KIAA1671: variants seen among roughly 807,000 people sequenced by gnomAD.
KIAA1671 encodes the protein uncharacterized protein KIAA1671.
A neutral mutation model predicts 131.2 loss-of-function variants in KIAA1671; 52 were observed. That is an observed-to-expected ratio of 0.40 (90% CI 0.32 to 0.50). KIAA1671 has a LOEUF of 0.50. Ranked by LOEUF, KIAA1671 falls within the 20% of genes least tolerant of loss-of-function variation. The probability of loss-of-function intolerance (pLI) is 0.73; values close to 1 mark genes in which losing one functional copy is unlikely to be tolerated. For missense variants in KIAA1671, 2,360 were observed against 2,364.2 expected, an observed-to-expected ratio of 1.00 and a Z score of 0.04; for synonymous variants, 1,003 against 961.6, an observed-to-expected ratio of 1.04 and a Z score of -0.80.
chr22:25,028,252 C>A lies in KIAA1671; in HGVS notation c.253C>A (p.Arg85=). 6.4e-7 allele frequency: 1 copy of A among 1,551,590 alleles called. No homozygotes were observed. The highest frequency in any genetic ancestry group is 8.7e-7 in the Non-Finnish European group (1 of 1,147,000). ...CGTGAAATCTCCTGTCCCGTCTCTG[C>A]GGCCCAGTTCGACTGGACCTTCCCC... ...QDVKSPVPSL[R]PSSTGPSPSG... Residue 85 remains arginine, a synonymous_variant, in exon 3 of 13, where the codon CGG becomes AGG. Coordinates refer to ENST00000358431, the MANE Select transcript of KIAA1671 (RefSeq NM_001145206.2).
intron 6 of KIAA1671, among the ~76,000 whole-genome samples, chr22:25,144,434 C>T (rs1478488591): frequency 6.6e-6 from 1 of 152,200 alleles, no homozygotes; most frequent in Non-Finnish European, 1.5e-5. Flanking sequence ...TCCTGGCTCC[C>T]AGCTCTCTGG....
intron 6 of KIAA1671, among the ~76,000 whole-genome samples, chr22:25,080,326 A>G (rs1321557462): frequency 2.0e-5 from 3 of 152,096 alleles, no homozygotes; most frequent in African/African-American, 7.2e-5. Context: ...GGGGAATTGT[A>G]AAGGATTAAA....
intron 6 of KIAA1671, among the ~76,000 whole-genome samples, chr22:25,164,392 G>A (rs559225664): frequency 3.0e-4 from 46 of 152,292 alleles, no homozygotes; most frequent in African/African-American, 6.5e-4. Flanking sequence ...CAGGGGGTCC[G>A]TCCAGGTGTA....
chr22:24,972,900 G>T (rs1202097958), intron 1 of KIAA1671, among the ~76,000 whole-genome samples: 1 of 152,228 alleles, frequency 6.6e-6, no homozygotes, highest in African/African-American at 2.4e-5. Flanking sequence ...TAATGTGGAA[G>T]ACGGTGTCTG....
chr22:25,152,207 G>A (rs999340083), intron 6 of KIAA1671, among the ~76,000 whole-genome samples: 1 of 152,168 alleles, frequency 6.6e-6, no homozygotes, highest in Admixed American at 6.5e-5. Context: ...AAATAATGCT[G>A]CAGTGAACAT....
chr22:25,076,184 G>A (rs191495298), intron 6 of KIAA1671, among the ~76,000 whole-genome samples: 1 of 152,064 alleles, frequency 6.6e-6, no homozygotes, highest in East Asian at 1.9e-4. Flanking sequence ...ATTCCTACCT[G>A]TTGTCAGCCT....
chr22:25,156,332 G>C (rs1270626196), intron 6 of KIAA1671, among the ~76,000 whole-genome samples: 4 of 151,680 alleles, frequency 2.6e-5, no homozygotes, highest in African/African-American at 9.7e-5. Flanking sequence ...GCCTGTATGT[G>C]CTTTTTATGT....
At chr22:25,089,266 ATTTT>A (rs34941122) in intron 6 of KIAA1671, among the ~76,000 whole-genome samples, 1 of 89,272 alleles carries the variant, frequency 1.1e-5, no homozygotes, top group Admixed American at 1.2e-4. Context: ...TGTGTGTTTA[ATTTT>A]TTTTTTTTTT....
chr22:25,105,825 G>GC (rs897786499), intron 6 of KIAA1671, among the ~76,000 whole-genome samples: 6 of 152,076 alleles, frequency 3.9e-5, no homozygotes, highest in South Asian at 2.1e-4. Flanking sequence ...AAGTTGGGGG[G>GC]GGGGGGTGCC....
intron 1 of KIAA1671, among the ~76,000 whole-genome samples, chr22:24,971,369 A>C (rs1282931362): frequency 6.6e-6 from 1 of 152,252 alleles, no homozygotes; most frequent in African/African-American, 2.4e-5. Context: ...AGAGCTGTCC[A>C]TGTGAGACAT....
chr22:25,159,979 C>T (rs141291926), intron 6 of KIAA1671, among the ~76,000 whole-genome samples: 2 of 152,258 alleles, frequency 1.3e-5, no homozygotes, highest in Admixed American at 6.5e-5. Flanking sequence ...GGTGGGTGCA[C>T]CGCCAACACT....
At chr22:25,067,692 C>T (rs1928553413) in intron 6 of KIAA1671, among the ~76,000 whole-genome samples, 1 of 152,200 alleles carries the variant, frequency 6.6e-6, no homozygotes, top group South Asian at 2.1e-4. Context: ...CTGCCTCCTT[C>T]CAGCCCCTTT....
chr22:25,106,135 C>T (rs1017232331), intron 6 of KIAA1671, among the ~76,000 whole-genome samples: 1 of 152,088 alleles, frequency 6.6e-6, no homozygotes, highest in Non-Finnish European at 1.5e-5. Context: ...AGCTCTCAAG[C>T]GAAACCCATA....
At chr22:25,065,048 G>A (rs1928389813) in intron 6 of KIAA1671, 1 of 152,288 alleles carries the variant, frequency 6.6e-6, no homozygotes, top group African/African-American at 2.4e-5. Flanking sequence ...GTCCACAGAA[G>A]GAAAAGGAAT....
chr22:25,087,634 C>T (rs1426672859), intron 6 of KIAA1671, among the ~76,000 whole-genome samples: 3 of 152,172 alleles, frequency 2.0e-5, no homozygotes, highest in South Asian at 2.1e-4. Context: ...AACTGCGTCA[C>T]CTTGTTGATT....
In KIAA1671 at chr22:25,128,397, G is replaced by A. The variant is rs147648843; in HGVS notation, c.4531-42423G>A. On this transcript the variant is annotated intron_variant, in intron 6 of 12. Transcript: ENST00000358431. Reference sequence around the variant, plus strand: ...CCTAGCTGGCTTCACACCAGGTGTTGGGTGGATGATGAGGGCCCAGCAGAG... The same window carrying A: ...CCTAGCTGGCTTCACACCAGGTGTTAGGTGGATGATGAGGGCCCAGCAGAG... Among the ~76,000 whole-genome samples, 147 of 152,346 alleles carry A rather than the reference G, an allele frequency of 9.6e-4. 1 individual carries two copies. Among genetic ancestry groups the A allele is most frequent in the Non-Finnish European group, 1.7e-3 (116 of 68,024 alleles).
At chr22:25,100,814 G>C (rs184860770) in intron 6 of KIAA1671, among the ~76,000 whole-genome samples, 4 of 152,198 alleles carry the variant, frequency 2.6e-5, no homozygotes, top group African/African-American at 9.7e-5. Flanking sequence ...GTTCATAGTA[G>C]ACACTCAAGA....
At chr22:25,091,380 A>C (rs909597736) in intron 6 of KIAA1671, among the ~76,000 whole-genome samples, 1 of 152,094 alleles carries the variant, frequency 6.6e-6, no homozygotes, top group Non-Finnish European at 1.5e-5. Context: ...TTTCAAGCAA[A>C]GGTGTTGTTT....
chr22:25,089,315 C>T (rs1929900393), intron 6 of KIAA1671, among the ~76,000 whole-genome samples: 1 of 130,368 alleles, frequency 7.7e-6, no homozygotes, highest in African/African-American at 3.1e-5. Context: ...GCTCTTGTTG[C>T]CCAGGCTGGA....
Sources: gnomAD v4.1 joint callset for allele counts (sites outside exome capture counted in the v4.1 genomes callset) on GRCh38, gnomAD v4.1.1 for gene constraint, MANE v1.5 for transcripts, NCBI Gene and HGNC (gene_info 2026-07-23, HGNC 2026-07-21) for gene names.